The following SLC24A3 variants were observed in gnomAD, a reference collection of about 807,000 sequenced individuals.
SLC24A3 encodes solute carrier family 24 member 3.
SLC24A3 carries 28 observed loss-of-function variants against 75.8 expected under a neutral mutation model. The ratio of observed to expected loss-of-function variants is 0.37; its 90% CI spans 0.27 to 0.51. The LOEUF is 0.51. SLC24A3 is among the 20% of genes least tolerant of loss of function. The pLI, the probability that SLC24A3 is intolerant of heterozygous loss-of-function variation, is 0.94. For missense variants in SLC24A3, 663 were observed against 847.8 expected (o/e 0.78, Z 2.71); for synonymous variants, 372 against 334.1 (o/e 1.11, Z -1.24).
intron 1 of SLC24A3, among the ~76,000 whole-genome samples, chr20:19,238,205 T>C (rs1982223569): frequency 6.6e-6 from 1 of 152,194 alleles, no homozygotes; most frequent in Non-Finnish European, 1.5e-5. Context: ...TGTCCCAGCT[T>C]CTAACAGCAG....
chr20:19,329,108 A>G (rs961672851), intron 2 of SLC24A3, among the ~76,000 whole-genome samples: 4 of 152,194 alleles, frequency 2.6e-5, no homozygotes, highest in African/African-American at 9.7e-5. Context: ...TTCTGATTGT[A>G]ATGGGTCCAA....
At chr20:19,373,291 CT>C (rs1265763483) in intron 2 of SLC24A3, among the ~76,000 whole-genome samples, 3 of 152,252 alleles carry the variant, frequency 2.0e-5, no homozygotes. Context: ...CTCGGAGGCC[CT>C]TCCTTGTCCT....
chr20:19,657,976 C>T (rs1568687617), intron 7 of SLC24A3, among the ~76,000 whole-genome samples: 1 of 152,184 alleles, frequency 6.6e-6, no homozygotes, highest in African/African-American at 2.4e-5. Flanking sequence ...ACAATGCATT[C>T]AACTCTTCGG....
chr20:19,242,987 T>G (rs1415039877), intron 1 of SLC24A3, among the ~76,000 whole-genome samples: 2 of 152,248 alleles, frequency 1.3e-5, no homozygotes, highest in Non-Finnish European at 2.9e-5. Flanking sequence ...CTTAGTAAAG[T>G]TCAATATTTT....
chr20:19,485,873 A>C (rs1988120558), intron 2 of SLC24A3, among the ~76,000 whole-genome samples: 1 of 152,188 alleles, frequency 6.6e-6, no homozygotes, highest in African/African-American at 2.4e-5. Flanking sequence ...ACAATTACCC[A>C]TTGTCTATCA....
At chr20:19,633,698 C>A (rs1294345388) in intron 6 of SLC24A3, among the ~76,000 whole-genome samples, 1 of 151,220 alleles carries the variant, frequency 6.6e-6, no homozygotes, top group African/African-American at 2.4e-5. Flanking sequence ...GATTAGGGTC[C>A]ACCTAATGAC....
intron 6 of SLC24A3, among the ~76,000 whole-genome samples, chr20:19,628,732 C>T (rs149405089): frequency 3.9e-5 from 6 of 152,102 alleles, no homozygotes; most frequent in Non-Finnish European, 7.4e-5. Flanking sequence ...GCATCACAGA[C>T]AGACACCAGG....
intron 1 of SLC24A3, among the ~76,000 whole-genome samples, chr20:19,233,543 A>G (rs528995171): frequency 7.2e-5 from 11 of 152,212 alleles, no homozygotes; most frequent in Non-Finnish European, 1.6e-4. Flanking sequence ...CAAGAAATAT[A>G]CTTGCCTGTG....
At chr20:19,337,381 T>G (rs1471655926) in intron 2 of SLC24A3, among the ~76,000 whole-genome samples, 1 of 152,006 alleles carries the variant, frequency 6.6e-6, no homozygotes, top group Non-Finnish European at 1.5e-5. Context: ...GAGGTGGAGG[T>G]TGCGGTGAGC....
chr20:19,388,313 T>A (rs940684580), intron 2 of SLC24A3, among the ~76,000 whole-genome samples: 1 of 152,252 alleles, frequency 6.6e-6, no homozygotes, highest in African/African-American at 2.4e-5. Flanking sequence ...AATTGCTGTA[T>A]CTTCTTCATG....
At chr20:19,291,018 C>T (rs1178908944) in intron 2 of SLC24A3, among the ~76,000 whole-genome samples, 1 of 152,222 alleles carries the variant, frequency 6.6e-6, no homozygotes, top group African/African-American at 2.4e-5. Context: ...TTGAAGTCAA[C>T]AGGGAATGTT....
At chr20:19,324,246 T>C (rs1984787385) in intron 2 of SLC24A3, among the ~76,000 whole-genome samples, 1 of 152,196 alleles carries the variant, frequency 6.6e-6, no homozygotes, top group Non-Finnish European at 1.5e-5. Context: ...GGGGGCAAGT[T>C]TGACTGTCCC....
chr20:19,283,871 C>T lies in SLC24A3; in HGVS notation c.271+2784C>T, dbSNP rs189585978. The stretch of plus-strand genomic sequence containing the variant: ...CACCCTCTGTCCTGGGGCATCATTA[C>T]GGGTGGGGCACAGTGCAAGATTCCT... On this transcript the variant is annotated intron_variant, in intron 2 of 16. Coordinates refer to ENST00000328041, the MANE Select transcript of SLC24A3 (RefSeq NM_020689.4). Among the ~76,000 whole-genome samples the T allele has an allele frequency of 1.2e-3, 189 of 152,282 alleles. 1 individual carries two copies. Among genetic ancestry groups the T allele is most frequent in the African/African-American group, 4.3e-3 (178 of 41,558 alleles).
chr20:19,696,797 G>C lies in SLC24A3; in HGVS notation c.1492G>C (p.Val498Leu). ...GACCACCTCTTCCTGCTCCTTCTAG[G>C]TCACAATCATTGGTTACACCCTGGG... ...AAFSYMMVWM[V>L]TIIGYTLGIP... Residue 498 changes from valine (V) to leucine (L), a missense_variant and splice_region_variant, in exon 14 of 17, where the codon GTC becomes CTC. Around this residue, in one of 2 missense-constraint regions of SLC24A3, gnomAD observed 510 missense variants for 703.6 expected, o/e 0.72. Transcript: ENST00000328041. The C allele has an allele frequency of 6.2e-7, 1 of 1,612,736 alleles. No individual in the cohort carries two copies. The highest frequency in any genetic ancestry group is 8.5e-7 in the Non-Finnish European group (1 of 1,178,852).
chr20:19,671,033 T>C (rs1210511944), intron 8 of SLC24A3, among the ~76,000 whole-genome samples: 1 of 152,132 alleles, frequency 6.6e-6, no homozygotes, highest in Non-Finnish European at 1.5e-5. Flanking sequence ...GTAATAAATA[T>C]ATAAACAAGA....
chr20:19,214,390 C>T (rs1159831371), intron 1 of SLC24A3, among the ~76,000 whole-genome samples: 1 of 152,180 alleles, frequency 6.6e-6, no homozygotes, highest in Non-Finnish European at 1.5e-5. Context: ...TGTCTACTGA[C>T]AGTCTCACTA....
chr20:19,705,178 G>A (rs1600349980), intron 15 of SLC24A3, among the ~76,000 whole-genome samples: 1 of 152,278 alleles, frequency 6.6e-6, no homozygotes, highest in South Asian at 2.1e-4. Context: ...AGAAGGGGAG[G>A]AAATTCTGAT....
intron 2 of SLC24A3, among the ~76,000 whole-genome samples, chr20:19,323,854 T>C (rs925141887): frequency 6.6e-6 from 1 of 152,212 alleles, no homozygotes; most frequent in African/African-American, 2.4e-5. Flanking sequence ...TTTAAAAAAG[T>C]TTTTTTGATA....
intron 6 of SLC24A3, among the ~76,000 whole-genome samples, chr20:19,591,715 T>A: frequency 6.6e-6 from 1 of 152,174 alleles, no homozygotes; most frequent in East Asian, 1.9e-4. Flanking sequence ...CTCAATTGGT[T>A]TAGGTTAATC....
Sources: allele counts gnomAD v4.1 joint callset (sites outside exome capture counted in the v4.1 genomes callset), GRCh38; gene constraint gnomAD v4.1.1; regional missense constraint gnomAD v4.1.1; transcripts MANE v1.5; gene names NCBI Gene and HGNC (gene_info 2026-07-23, HGNC 2026-07-21).